Variants in KCNH5 observed in about 807,000 individuals in gnomAD.
KCNH5 encodes the protein potassium voltage-gated channel subfamily H member 5.
In KCNH5, 46 loss-of-function variants were observed where a neutral mutation model predicts 96.1. The observed-to-expected ratio is 0.48, with a 90% CI of 0.38 to 0.61. The LOEUF is 0.61. Ranked by LOEUF, KCNH5 falls within the 20% of genes least tolerant of loss-of-function variation. The probability of loss-of-function intolerance (pLI) is 0.00; values close to 1 mark genes in which losing one functional copy is unlikely to be tolerated. For synonymous variants in KCNH5, 439 were observed against 449.8 expected, an observed-to-expected ratio of 0.98 and a Z score of 0.30; for missense variants, 907 against 1,225.8, an observed-to-expected ratio of 0.74 and a Z score of 3.88.
chr14:62,914,946 T>C (rs1056354701), intron 7 of KCNH5, among the ~76,000 whole-genome samples: 1 of 152,234 alleles, frequency 6.6e-6, no homozygotes, highest in African/African-American at 2.4e-5. Context: ...ATTTGGGATT[T>C]TACGTTCCTT....
intron 8 of KCNH5, among the ~76,000 whole-genome samples, chr14:62,833,011 G>C (rs1887388313): frequency 6.6e-6 from 1 of 151,860 alleles, no homozygotes; most frequent in African/African-American, 2.4e-5. Flanking sequence ...TATCAATTTT[G>C]GGTATTAACC....
At chr14:62,938,875 A>T (rs576089443) in intron 7 of KCNH5, among the ~76,000 whole-genome samples, 1 of 152,362 alleles carries the variant, frequency 6.6e-6, no homozygotes, top group African/African-American at 2.4e-5. Flanking sequence ...TTTATAACAC[A>T]AAAGAGAAAT....
chr14:63,037,220 C>G (rs1419873598), intron 1 of KCNH5, among the ~76,000 whole-genome samples: 1 of 152,064 alleles, frequency 6.6e-6, no homozygotes, highest in Non-Finnish European at 1.5e-5. Flanking sequence ...GATAAGGAAA[C>G]TAGGTACAAG....
intron 8 of KCNH5, among the ~76,000 whole-genome samples, chr14:62,835,961 A>G (rs1887458774): frequency 6.6e-6 from 1 of 152,072 alleles, no homozygotes; most frequent in African/African-American, 2.4e-5. Flanking sequence ...ATTTAATATC[A>G]GGAATATTCT....
intron 8 of KCNH5, among the ~76,000 whole-genome samples, chr14:62,826,831 T>C (rs1887237722): frequency 6.6e-6 from 1 of 152,036 alleles, no homozygotes; most frequent in African/African-American, 2.4e-5. Flanking sequence ...TCATCATATG[T>C]ATTTTACTTT....
chr14:62,906,720 C>T (rs1227952603), intron 7 of KCNH5, among the ~76,000 whole-genome samples: 1 of 152,070 alleles, frequency 6.6e-6, no homozygotes, highest in Non-Finnish European at 1.5e-5. Context: ...CAATAGAATA[C>T]AAATTAGGAG....
intron 4 of KCNH5, among the ~76,000 whole-genome samples, chr14:62,992,557 C>T (rs543005699): frequency 4.6e-5 from 7 of 152,082 alleles, no homozygotes; most frequent in South Asian, 4.2e-4. Flanking sequence ...TTTTAATTTG[C>T]ATTTCTCTGA....
chr14:62,786,023 T>A (rs1886313855), intron 9 of KCNH5, among the ~76,000 whole-genome samples: 1 of 152,116 alleles, frequency 6.6e-6, no homozygotes, highest in East Asian at 1.9e-4. Context: ...AAATCCCATT[T>A]CTACTAAAAA....
At chr14:62,795,035 T>G (rs1204500642) in intron 9 of KCNH5, among the ~76,000 whole-genome samples, 1 of 152,112 alleles carries the variant, frequency 6.6e-6, no homozygotes, top group Non-Finnish European at 1.5e-5. Context: ...GAGCCGTGTG[T>G]GGTCTGAGAT....
intron 7 of KCNH5, among the ~76,000 whole-genome samples, chr14:62,925,055 T>A (rs1369978159): frequency 6.6e-6 from 1 of 151,970 alleles, no homozygotes; most frequent in African/African-American, 2.4e-5. Flanking sequence ...TTTCAAGACA[T>A]CAATCTGCAC....
chr14:62,719,457 A>T (rs1884758185), intron 10 of KCNH5, among the ~76,000 whole-genome samples: 1 of 152,272 alleles, frequency 6.6e-6, no homozygotes, highest in Non-Finnish European at 1.5e-5. Context: ...CTTCAGCCGA[A>T]TTAAATTGAA....
At chr14:63,014,843 A>T (rs116280574) in intron 2 of KCNH5, among the ~76,000 whole-genome samples, 3,476 of 152,190 alleles carry the variant, frequency 0.023, 129 homozygotes, top group African/African-American at 0.078. Context: ...GGATGTCAGC[A>T]GTCCAAGAAT....
intron 8 of KCNH5, among the ~76,000 whole-genome samples, chr14:62,809,618 A>C (rs1886835133): frequency 6.6e-6 from 1 of 152,120 alleles, no homozygotes; most frequent in Non-Finnish European, 1.5e-5. Context: ...ATTCCTTATG[A>C]AACAGAGTTC....
intron 10 of KCNH5, among the ~76,000 whole-genome samples, chr14:62,753,378 A>T (rs987509601): frequency 9.9e-5 from 15 of 152,192 alleles, no homozygotes; most frequent in Non-Finnish European, 1.9e-4. Context: ...CAAATCTAAG[A>T]GTTACTGGTC....
intron 7 of KCNH5, among the ~76,000 whole-genome samples, chr14:62,884,024 C>A (rs1453450372): frequency 6.6e-6 from 1 of 152,064 alleles, no homozygotes; most frequent in Non-Finnish European, 1.5e-5. Context: ...ATTAAATAGT[C>A]CCAGAAGTAT....
chr14:62,896,869 T>C (rs1888824144), intron 7 of KCNH5, among the ~76,000 whole-genome samples: 1 of 152,194 alleles, frequency 6.6e-6, no homozygotes, highest in Non-Finnish European at 1.5e-5. Flanking sequence ...ATTAAATGCA[T>C]TTTCAACTTC....
intron 7 of KCNH5, among the ~76,000 whole-genome samples, chr14:62,851,209 C>T (rs1330296923): frequency 1.3e-5 from 2 of 152,038 alleles, no homozygotes; most frequent in Non-Finnish European, 2.9e-5. Flanking sequence ...ATTTTTAAGA[C>T]AGATTTTGTT....
chr14:62,773,974 T>A (rs1001177775), intron 10 of KCNH5, among the ~76,000 whole-genome samples: 1 of 152,186 alleles, frequency 6.6e-6, no homozygotes, highest in Non-Finnish European at 1.5e-5. Flanking sequence ...CCTACCAACC[T>A]TTATATATGG....
At chr14:62,890,081 C>G (rs1277444518) in intron 7 of KCNH5, among the ~76,000 whole-genome samples, 1 of 152,090 alleles carries the variant, frequency 6.6e-6, no homozygotes, top group African/African-American at 2.4e-5. Flanking sequence ...AAAATCAATG[C>G]AAGATGGATT....
Sources: gnomAD v4.1 joint callset for allele counts (sites outside exome capture counted in the v4.1 genomes callset) on GRCh38, gnomAD v4.1.1 for gene constraint, MANE v1.5 for transcripts, NCBI Gene and HGNC (gene_info 2026-07-23, HGNC 2026-07-21) for gene names.